GABRG3: variants seen among roughly 807,000 people sequenced by gnomAD.
GABRG3 encodes gamma-aminobutyric acid receptor subunit gamma-3.
A neutral mutation model predicts 48.8 loss-of-function variants in GABRG3; 25 were observed. The observed-to-expected ratio is 0.51, with a 90% CI of 0.37 to 0.72. The LOEUF is 0.72. GABRG3 is among the 30% of genes least tolerant of loss of function. The probability of loss-of-function intolerance (pLI) is 0.00; values close to 1 mark genes in which losing one functional copy is unlikely to be tolerated. For missense variants in GABRG3, 394 were observed against 577.9 expected, an observed-to-expected ratio of 0.68 and a Z score of 3.26; for synonymous variants, 227 against 217.6, an observed-to-expected ratio of 1.04 and a Z score of -0.38.
At chr15:27,523,154 TTAGA>T (rs2150863306) in intron 7 of GABRG3, among the ~76,000 whole-genome samples, 1 of 151,976 alleles carries the variant, frequency 6.6e-6, no homozygotes, top group Non-Finnish European at 1.5e-5. Context: ...TTATATTAGA[TTAGA>T]TAAAGATTTC....
At chr15:27,221,100 C>G (rs1336631936) in intron 3 of GABRG3, among the ~76,000 whole-genome samples, 2 of 151,922 alleles carry the variant, frequency 1.3e-5, no homozygotes, top group Non-Finnish European at 2.9e-5. Flanking sequence ...TAAGGGGAGT[C>G]AGAACATGCT....
At chr15:27,126,472 A>G (rs1052242516) in intron 3 of GABRG3, among the ~76,000 whole-genome samples, 3 of 152,088 alleles carry the variant, frequency 2.0e-5, no homozygotes, top group African/African-American at 7.2e-5. Flanking sequence ...ACTTCTGACC[A>G]TCTTCAGGAG....
intron 6 of GABRG3, among the ~76,000 whole-genome samples, chr15:27,488,666 G>T (rs1008429809): frequency 6.6e-6 from 1 of 152,156 alleles, no homozygotes; most frequent in Non-Finnish European, 1.5e-5. Context: ...TGAATGTTTG[G>T]AAGAGAAAAT....
intron 5 of GABRG3, among the ~76,000 whole-genome samples, chr15:27,458,015 G>T (rs1186881928): frequency 6.6e-6 from 1 of 152,134 alleles, no homozygotes; most frequent in Non-Finnish European, 1.5e-5. Context: ...GGACGGTGCA[G>T]GAACTATGCT....
At chr15:27,415,436 G>T (rs1017027297) in intron 5 of GABRG3, among the ~76,000 whole-genome samples, 1 of 151,830 alleles carries the variant, frequency 6.6e-6, no homozygotes, top group South Asian at 2.1e-4. Context: ...CTGTTCTTGC[G>T]TGTTGTCTAC....
intron 3 of GABRG3, among the ~76,000 whole-genome samples, chr15:27,120,475 T>C (rs567448281): frequency 1.8e-4 from 27 of 152,194 alleles, no homozygotes; most frequent in Admixed American, 1.5e-3. Flanking sequence ...ACTGTTCTCA[T>C]TGCTTGTGGA....
At chr15:27,119,382 T>TA (rs1897694422) in intron 3 of GABRG3, among the ~76,000 whole-genome samples, 1 of 152,266 alleles carries the variant, frequency 6.6e-6, no homozygotes, top group Non-Finnish European at 1.5e-5. Flanking sequence ...CCATGAACCT[T>TA]ACAATGGTTA....
chr15:27,317,325 G>A (rs1198899262), intron 3 of GABRG3, among the ~76,000 whole-genome samples: 2 of 152,152 alleles, frequency 1.3e-5, no homozygotes, highest in East Asian at 1.9e-4. Context: ...GGGAAGAAAC[G>A]TCAACAGCGT....
At chr15:27,279,905 A>G (rs551786692) in intron 3 of GABRG3, among the ~76,000 whole-genome samples, 4 of 152,286 alleles carry the variant, frequency 2.6e-5, no homozygotes, top group African/African-American at 7.2e-5. Context: ...CTTTCTGTTT[A>G]TATCTTTGAT....
intron 5 of GABRG3, among the ~76,000 whole-genome samples, chr15:27,394,000 A>G (rs1169503015): frequency 6.6e-6 from 1 of 152,204 alleles, no homozygotes; most frequent in East Asian, 1.9e-4. Flanking sequence ...TCTCTTATAG[A>G]CAGCATATAG....
intron 5 of GABRG3, among the ~76,000 whole-genome samples, chr15:27,469,230 G>A (rs541744342): frequency 1.1e-4 from 16 of 152,118 alleles, no homozygotes; most frequent in South Asian, 8.3e-4. Context: ...CTCAGCCCAC[G>A]TGCCATTTCT....
At chr15:27,129,818 A>G (rs1326377423) in intron 3 of GABRG3, among the ~76,000 whole-genome samples, 2 of 151,686 alleles carry the variant, frequency 1.3e-5, no homozygotes, top group African/African-American at 4.8e-5. Flanking sequence ...ACAACCTTAC[A>G]TGTGTTTATT....
At chr15:27,038,539 C>T (rs1896218651) in intron 3 of GABRG3, among the ~76,000 whole-genome samples, 2 of 152,226 alleles carry the variant, frequency 1.3e-5, no homozygotes, top group Admixed American at 6.5e-5. Context: ...GCACCACGCT[C>T]TTCTCCTGGA....
intron 3 of GABRG3, among the ~76,000 whole-genome samples, chr15:27,103,448 T>A (rs1897394999): frequency 6.6e-6 from 1 of 152,074 alleles, no homozygotes; most frequent in African/African-American, 2.4e-5. Context: ...CCACAGCATG[T>A]CCAACTAGGG....
At chr15:27,327,094 G>T in intron 4 of GABRG3, 65 bp downstream of exon 4, 7 of 1,337,544 alleles carry the variant, frequency 5.2e-6, no homozygotes, top group Non-Finnish European at 7.4e-6. Flanking sequence ...TTGAATCACT[G>T]TAGGAATGAG....
chr15:27,150,632 C>T (rs1898293716), intron 3 of GABRG3, among the ~76,000 whole-genome samples: 1 of 152,228 alleles, frequency 6.6e-6, no homozygotes, highest in African/African-American at 2.4e-5. Context: ...TCACTACTAA[C>T]CCTTGCCATT....
intron 3 of GABRG3, among the ~76,000 whole-genome samples, chr15:27,038,253 G>T (rs73367778): frequency 6.6e-6 from 1 of 152,164 alleles, no homozygotes; most frequent in Admixed American, 6.5e-5. Flanking sequence ...CAGGTGCAGC[G>T]TATGGTGAGG....
intron 3 of GABRG3, among the ~76,000 whole-genome samples, chr15:27,304,321 A>C (rs553759451): frequency 2.8e-4 from 43 of 152,132 alleles, no homozygotes; most frequent in African/African-American, 1.0e-3. Flanking sequence ...AGAAATCTAC[A>C]AAAAGTCTCC....
At chr15:27,496,577 C>T (rs1890492689) in intron 6 of GABRG3, among the ~76,000 whole-genome samples, 2 of 152,156 alleles carry the variant, frequency 1.3e-5, no homozygotes, top group African/African-American at 4.8e-5. Context: ...CCTAGTTGGT[C>T]TTCTCCACAT....
Sources: allele counts gnomAD v4.1 joint callset (sites outside exome capture counted in the v4.1 genomes callset), GRCh38; gene constraint gnomAD v4.1.1; transcripts MANE v1.5; gene names NCBI Gene and HGNC (gene_info 2026-07-23, HGNC 2026-07-21).